Variants in POTEE observed in about 807,000 individuals in gnomAD.
POTEE encodes the protein ANKRD26-like family C member 1A.
A neutral mutation model predicts 74.2 loss-of-function variants in POTEE; 21 were observed. That is an observed-to-expected ratio of 0.28 (90% CI 0.20 to 0.41). The LOEUF (loss-of-function observed/expected upper bound fraction) is 0.41, where lower values mean the gene tolerates loss of function less well. Among genes scored for constraint, POTEE ranks in the 10% least tolerant of loss-of-function variants. The pLI, the probability that POTEE is intolerant of heterozygous loss-of-function variation, is 1.00. For missense variants in POTEE, 525 were observed against 1,158.6 expected, an observed-to-expected ratio of 0.45 and a Z score of 7.94; for synonymous variants, 211 against 432.8, an observed-to-expected ratio of 0.49 and a Z score of 6.36.
intron 4 of POTEE, among the ~76,000 whole-genome samples, chr2:131,220,505 A>G (rs1700584928): frequency 6.6e-6 from 1 of 152,172 alleles, no homozygotes; most frequent in Admixed American, 6.5e-5. Context: ...TGCCTGGCCT[A>G]TATTTGCAGA....
chr2:131,217,818 A>ACGGCTTGCAC, intron 3 of POTEE, among the ~76,000 whole-genome samples, 135 bp downstream of exon 3: 1 of 149,914 alleles, frequency 6.7e-6, no homozygotes, highest in East Asian at 2.0e-4. Context: ...CTGGCTTGTA[A>ACGGCTTGCAC]CGGCTTGCAC....
chr2:131,220,554 CT>C (rs1486703689), intron 4 of POTEE, among the ~76,000 whole-genome samples: 3 of 152,138 alleles, frequency 2.0e-5, no homozygotes, highest in South Asian at 2.1e-4. Context: ...GGGCAAAGTA[CT>C]TTTTTTGCAT....
rs778754830 is a variant in POTEE at position 131,263,975 on chromosome 2, G to T, written c.2520G>T (p.Pro840=). ...PAMYVAIQAV[P]SLYTSGRTTG... ...TGTACGTGGCCATCCAGGCCGTGCC[G>T]TCCCTGTACACCTCTGGCCGTACTA... Residue 840 remains proline, a synonymous_variant, in exon 18 of 18, where the codon CCG becomes CCT. Coordinates refer to ENST00000683005, the MANE Select transcript of POTEE (RefSeq NM_001083538.3). 6.2e-7 allele frequency: 1 copy of T among 1,614,198 alleles called. No individual in the cohort carries two copies. Among genetic ancestry groups the T allele is most frequent in the Admixed American group, 1.7e-5 (1 of 60,032 alleles).
intron 9 of POTEE, among the ~76,000 whole-genome samples, chr2:131,233,554 T>A (rs957015238): frequency 1.4e-5 from 2 of 146,988 alleles, no homozygotes; most frequent in African/African-American, 5.1e-5. Flanking sequence ...CCGTCCTTAG[T>A]GAAATACATA....
At chr2:131,214,119 A>G (rs1292340520) in intron 2 of POTEE, among the ~76,000 whole-genome samples, 2 of 152,030 alleles carry the variant, frequency 1.3e-5, no homozygotes, top group African/African-American at 2.4e-5. Context: ...CCTTAAGGAA[A>G]AACAGAAGGT....
chr2:131,215,204 T>C (rs1559164747), intron 2 of POTEE, among the ~76,000 whole-genome samples: 1 of 152,176 alleles, frequency 6.6e-6, no homozygotes, highest in Non-Finnish European at 1.5e-5. Context: ...CTCAAGTATT[T>C]TTAATCATTT....
At chr2:131,217,336 C>T (rs1295486991) in intron 2 of POTEE, among the ~76,000 whole-genome samples, 8 of 102,144 alleles carry the variant, frequency 7.8e-5, no homozygotes, top group South Asian at 4.5e-4. Context: ...GTTCTGGGTG[C>T]GGAGCAAAGA....
chr2:131,219,859 AT>A (rs1025935258), intron 4 of POTEE, among the ~76,000 whole-genome samples: 3 of 152,148 alleles, frequency 2.0e-5, no homozygotes. Flanking sequence ...TGATAAATTA[AT>A]TTTTTGTAAC....
At chr2:131,230,736 C>G in intron 8 of POTEE, 100 bp from the exon 9 acceptor site, 1 of 1,373,350 alleles carries the variant, frequency 7.3e-7, no homozygotes, top group South Asian at 1.3e-5. Flanking sequence ...TTCTGTTATT[C>G]TGATATTGTT....
chr2:131,219,315 AAATAAAATCCAGTATGGATTTTAT>A (rs1700543035), intron 4 of POTEE, among the ~76,000 whole-genome samples: 1 of 151,714 alleles, frequency 6.6e-6, no homozygotes, highest in Non-Finnish European at 1.5e-5. Context: ...AATATTCTTC[AAATAAAATCCAGTATGGATTTTAT>A]ATCAATGTAC....
Position 131,217,636 on chromosome 2 carries a change from C to T in POTEE, c.-141C>T, listed in dbSNP as rs1372902064. ...CTCAGCTGACTCCCACGAAGTTTGC[C>T]GGAACTCAAGGCTGTCAGTGACATT... On this transcript the variant is annotated 5_prime_UTR_variant, in exon 3 of 18. Transcript: ENST00000683005. Among the ~76,000 whole-genome samples, 1 of 147,988 alleles carries T rather than the reference C, an allele frequency of 6.8e-6. No homozygotes were observed. Among genetic ancestry groups the T allele is most frequent in the African/African-American group, 2.5e-5 (1 of 40,370 alleles).
intron 1 of POTEE, among the ~76,000 whole-genome samples, 139 bp downstream of exon 1, chr2:131,209,958 AG>A (rs1330610709): frequency 8.9e-5 from 7 of 78,820 alleles, no homozygotes; most frequent in Non-Finnish European, 1.2e-4. Context: ...CTGGCGGTGG[AG>A]GGGGGCGGTT....
At chr2:131,233,828 G>T (rs1226943008) in intron 9 of POTEE, among the ~76,000 whole-genome samples, 1 of 150,366 alleles carries the variant, frequency 6.7e-6, no homozygotes, top group Non-Finnish European at 1.5e-5. Context: ...AGAAATGTCA[G>T]ATAATTTCCA....
At chr2:131,248,502 T>G (rs1313585280) in intron 13 of POTEE, among the ~76,000 whole-genome samples, 1 of 152,102 alleles carries the variant, frequency 6.6e-6, no homozygotes, top group East Asian at 1.9e-4. Flanking sequence ...TGACTAATGT[T>G]TTTCGATGCA....
chr2:131,212,824 A>T (rs1046544590), intron 2 of POTEE, among the ~76,000 whole-genome samples: 3 of 150,666 alleles, frequency 2.0e-5, no homozygotes, highest in African/African-American at 7.3e-5. Context: ...TCAGCTTCCC[A>T]AAGTGCTGGG....
intron 2 of POTEE, among the ~76,000 whole-genome samples, chr2:131,217,020 A>T (rs1480146841): frequency 2.6e-5 from 4 of 152,258 alleles, no homozygotes; most frequent in Admixed American, 2.6e-4. Flanking sequence ...TTAACTAGTT[A>T]ATACACTTAA....
At chr2:131,213,115 C>T (rs1264083314) in intron 2 of POTEE, among the ~76,000 whole-genome samples, 1 of 152,002 alleles carries the variant, frequency 6.6e-6, no homozygotes, top group Non-Finnish European at 1.5e-5. Flanking sequence ...TGCCTGCCAC[C>T]ACGCCCGGCT....
intron 2 of POTEE, among the ~76,000 whole-genome samples, chr2:131,213,520 T>C (rs542726823): frequency 4.6e-5 from 7 of 152,202 alleles, no homozygotes; most frequent in African/African-American, 1.2e-4. Context: ...AGAATATGTA[T>C]AAATACCACT....
intron 2 of POTEE, among the ~76,000 whole-genome samples, 129 bp downstream of exon 2, chr2:131,211,312 G>C (rs1443994663): frequency 1.3e-5 from 2 of 151,750 alleles, no homozygotes; most frequent in Non-Finnish European, 1.5e-5. Flanking sequence ...GGACTGGGAA[G>C]GGGGAGTAGG....
Sources: gnomAD v4.1 joint callset for allele counts (sites outside exome capture counted in the v4.1 genomes callset) on GRCh38, gnomAD v4.1.1 for gene constraint, MANE v1.5 for transcripts, NCBI Gene and HGNC (gene_info 2026-07-23, HGNC 2026-07-21) for gene names.